SGCD: variants seen among roughly 807,000 people sequenced by gnomAD.
The protein encoded by SGCD is sarcoglycan delta.
In SGCD, 18 loss-of-function variants were observed where a neutral mutation model predicts 36.6. That is an observed-to-expected ratio of 0.49 (90% CI 0.34 to 0.73). The LOEUF (loss-of-function observed/expected upper bound fraction) is 0.73. Ranked by LOEUF, SGCD falls within the 30% of genes least tolerant of loss-of-function variation. The pLI is 0.01. For missense variants in SGCD, 387 were observed against 346.7 expected, an observed-to-expected ratio of 1.12 and a Z score of -0.92; for synonymous variants, 133 against 130.6, an observed-to-expected ratio of 1.02 and a Z score of -0.12.
rs1174644247 is a variant in SGCD, at chr5:156,534,648, T to C, written c.294+25946T>C. Among the ~76,000 whole-genome samples, 3 of 152,322 alleles carry C rather than the reference T, an allele frequency of 2.0e-5. No individual in the cohort carries two copies. In the East Asian group the frequency reaches 5.8e-4, roughly 29 times the overall value. ...TAGCATAGTAGCAAAGTACATGTAA[T>C]TTAAAGTCAGACAAAACTGTGTGTG... On this transcript the variant is annotated intron_variant, in intron 4 of 8. Transcript: ENST00000337851.
At chr5:156,570,000 C>A (rs890681609) in intron 4 of SGCD, among the ~76,000 whole-genome samples, 1 of 151,968 alleles carries the variant, frequency 6.6e-6, no homozygotes, top group African/African-American at 2.4e-5. Context: ...GGATTTTTTT[C>A]CCCCATGAGA....
intron 1 of SGCD, among the ~76,000 whole-genome samples, chr5:156,048,237 C>A (rs957889870): frequency 1.3e-5 from 2 of 152,140 alleles, no homozygotes; most frequent in African/African-American, 4.8e-5. Flanking sequence ...GGGCATTTGG[C>A]TTGGTTCCCA....
chr5:156,653,286 T>G (rs281037), intron 7 of SGCD, among the ~76,000 whole-genome samples: 138,989 of 151,848 alleles, frequency 0.92, 63,763 homozygotes, highest in East Asian at 0.99. Context: ...TATTCATTCT[T>G]TTCGGGGTTT....
At chr5:155,921,756 A>G (rs1756884909) in intron 1 of SGCD, among the ~76,000 whole-genome samples, 1 of 152,226 alleles carries the variant, frequency 6.6e-6, no homozygotes, top group Non-Finnish European at 1.5e-5. Context: ...CAAATTCTTC[A>G]TAATCACAGG....
chr5:156,556,653 G>T (rs888050028), intron 4 of SGCD, among the ~76,000 whole-genome samples: 3 of 152,140 alleles, frequency 2.0e-5, no homozygotes, highest in African/African-American at 7.2e-5. Flanking sequence ...GAAAAGAAAA[G>T]AACCATTTCT....
At chr5:155,812,362 G>A in the SGCD span, among the ~76,000 whole-genome samples, 2 of 152,188 alleles carry the variant, frequency 1.3e-5, no homozygotes, top group African/African-American at 2.4e-5. Flanking sequence ...GCTCTCCGCA[G>A]AGGGAAGCAC....
At chr5:156,312,861 C>A (rs1024968416) in intron 3 of SGCD, among the ~76,000 whole-genome samples, 3 of 152,128 alleles carry the variant, frequency 2.0e-5, no homozygotes, top group African/African-American at 7.2e-5. Context: ...ACTTAACCAG[C>A]CCCATAAGAA....
chr5:156,598,301 T>C (rs897747681), intron 6 of SGCD, among the ~76,000 whole-genome samples: 1 of 152,132 alleles, frequency 6.6e-6, no homozygotes, highest in East Asian at 1.9e-4. Context: ...CCCAGCACTT[T>C]GGGAGCCCAG....
chr5:156,639,809 C>T (rs1453923318), intron 6 of SGCD, among the ~76,000 whole-genome samples: 2 of 151,784 alleles, frequency 1.3e-5, no homozygotes, highest in African/African-American at 4.8e-5. Context: ...TACCCCATTC[C>T]TGGTCTTCTT....
At position 156,624,786 on chromosome 5, in the gene SGCD, G is replaced by T. The variant is rs141332033; in HGVS notation, c.503-22678G>T. 5.9e-5 allele frequency among the ~76,000 whole-genome samples: 9 copies of T among 152,082 alleles called. No homozygotes were observed. In the East Asian group the frequency reaches 1.7e-3, roughly 29 times the overall value. On this transcript the variant is annotated intron_variant, in intron 6 of 8. Transcript: ENST00000337851. ...CTTTTTCTACCCTCTTTTCGTCTGTGATTCCTAGACAGAAAAATGATGCAA... is the reference window on the plus strand; with the variant it reads ...CTTTTTCTACCCTCTTTTCGTCTGTTATTCCTAGACAGAAAAATGATGCAA...
At chr5:155,937,369 G>C (rs1043526830) in intron 1 of SGCD, among the ~76,000 whole-genome samples, 11 of 152,184 alleles carry the variant, frequency 7.2e-5, no homozygotes, top group Non-Finnish European at 1.0e-4. Context: ...TTTGATTCCA[G>C]GTAACCTCCT....
chr5:155,791,773 G>T, the SGCD span, among the ~76,000 whole-genome samples: 1 of 151,966 alleles, frequency 6.6e-6, no homozygotes, highest in South Asian at 2.1e-4. Flanking sequence ...ACAAATAAAT[G>T]GAAAAATATT....
intron 3 of SGCD, among the ~76,000 whole-genome samples, chr5:156,431,040 G>T (rs1752986983): frequency 6.6e-6 from 1 of 152,180 alleles, no homozygotes; most frequent in Non-Finnish European, 1.5e-5. Context: ...GGTGGGCCAA[G>T]ATCCCAGTCT....
chr5:156,652,778 G>GT (rs1215028214), intron 7 of SGCD, among the ~76,000 whole-genome samples: 99 of 151,524 alleles, frequency 6.5e-4, no homozygotes, highest in Non-Finnish European at 1.1e-3. Context: ...AGTTTTTTGG[G>GT]TTTTTTTTGA....
At chr5:155,860,186 G>A in the SGCD span, among the ~76,000 whole-genome samples, 1 of 152,232 alleles carries the variant, frequency 6.6e-6, no homozygotes, top group African/African-American at 2.4e-5. Context: ...TGTAGGTAGA[G>A]ATACCTGAGG....
intron 3 of SGCD, among the ~76,000 whole-genome samples, chr5:156,180,250 GC>G (rs1332466004): frequency 6.6e-6 from 1 of 152,114 alleles, no homozygotes; most frequent in Non-Finnish European, 1.5e-5. Context: ...AGAAATTACA[GC>G]AAACCATAAT....
chr5:156,694,233 GTAATTTC>G (rs1754222860), intron 7 of SGCD, among the ~76,000 whole-genome samples: 1 of 152,208 alleles, frequency 6.6e-6, no homozygotes, highest in Non-Finnish European at 1.5e-5. Flanking sequence ...CCAGGTCACT[GTAATTTC>G]CAGAGGAAGT....
intron 7 of SGCD, among the ~76,000 whole-genome samples, chr5:156,754,598 T>C (rs947389319): frequency 1.3e-5 from 2 of 152,208 alleles, no homozygotes; most frequent in African/African-American, 2.4e-5. Flanking sequence ...GGAACTAATA[T>C]GGTATAAACA....
chr5:156,029,847 C>T (rs571972741), intron 1 of SGCD, among the ~76,000 whole-genome samples: 9 of 152,028 alleles, frequency 5.9e-5, no homozygotes, highest in Non-Finnish European at 7.4e-5. Context: ...GACAATATTT[C>T]GTTCATACAG....
Sources: allele counts gnomAD v4.1 joint callset (sites outside exome capture counted in the v4.1 genomes callset), GRCh38; gene constraint gnomAD v4.1.1; transcripts MANE v1.5; gene names NCBI Gene and HGNC (gene_info 2026-07-23, HGNC 2026-07-21).